The following C8orf34 variants were observed in gnomAD, a reference collection of about 807,000 sequenced individuals.
C8orf34 encodes the protein uncharacterized protein C8orf34.
In C8orf34, 65 loss-of-function variants were observed where a neutral mutation model predicts 68.3. The ratio of observed to expected loss-of-function variants is 0.95; its 90% CI spans 0.78 to 1.17. C8orf34 has a LOEUF of 1.17. C8orf34 is among the 50% of genes most tolerant of loss of function. The pLI, the probability that C8orf34 is intolerant of heterozygous loss-of-function variation, is 0.00. For missense variants in C8orf34, 664 were observed against 655.4 expected (o/e 1.01, Z -0.14); for synonymous variants, 244 against 241.2 (o/e 1.01, Z -0.11).
intron 8 of C8orf34, among the ~76,000 whole-genome samples, chr8:68,681,888 C>A (rs1443320517): frequency 6.6e-6 from 1 of 152,048 alleles, no homozygotes; most frequent in Admixed American, 6.6e-5. Context: ...CTGGAGGTCA[C>A]TATGTTAAGT....
At chr8:68,542,308 C>T (rs900005453) in intron 7 of C8orf34, among the ~76,000 whole-genome samples, 1 of 152,204 alleles carries the variant, frequency 6.6e-6, no homozygotes, top group African/African-American at 2.4e-5. Context: ...CTCTTATCTT[C>T]TCACAATACA....
At chr8:68,426,884 C>CAAACT (rs1810252295) in intron 1 of C8orf34, among the ~76,000 whole-genome samples, 1 of 151,470 alleles carries the variant, frequency 6.6e-6, no homozygotes, top group South Asian at 2.1e-4. Context: ...AAAACCAAAC[C>CAAACT]AAACCAAACC....
intron 2 of C8orf34, among the ~76,000 whole-genome samples, chr8:68,445,128 T>G (rs567707156): frequency 6.6e-6 from 1 of 152,306 alleles, no homozygotes; most frequent in East Asian, 1.9e-4. Context: ...GCTTTAGAAT[T>G]TTCATGCCTT....
At chr8:68,696,606 T>C (rs1820843066) in intron 8 of C8orf34, among the ~76,000 whole-genome samples, 1 of 151,832 alleles carries the variant, frequency 6.6e-6, no homozygotes, top group Admixed American at 6.6e-5. Context: ...GATAGCCAAA[T>C]TACGCTTTTA....
At chr8:68,747,734 G>A (rs1240941815) in intron 10 of C8orf34, among the ~76,000 whole-genome samples, 1 of 151,978 alleles carries the variant, frequency 6.6e-6, no homozygotes, top group African/African-American at 2.4e-5. Flanking sequence ...GGAAATAAAA[G>A]AGGATACAAA....
At position 68,719,965 on chromosome 8, in the gene C8orf34, A is replaced by C. The variant is rs540894092; in HGVS notation, c.1328-1396A>C. On this transcript the variant is annotated intron_variant, in intron 9 of 13. Coordinates refer to ENST00000518698, the MANE Select transcript of C8orf34 (RefSeq NM_052958.4). ...TTTTGGAGGACTTAAATTATGCTTAATTTACAACCTAATTTAACAAATTTA... is the reference window on the plus strand; with the variant it reads ...TTTTGGAGGACTTAAATTATGCTTACTTTACAACCTAATTTAACAAATTTA... Among the ~76,000 whole-genome samples, 13 of 151,990 alleles carry C rather than the reference A, an allele frequency of 8.6e-5. 1 individual carries two copies. Among genetic ancestry groups the C allele is most frequent in the Non-Finnish European group, 1.9e-4 (13 of 67,866 alleles).
At chr8:68,423,113 T>G (rs942741071) in intron 1 of C8orf34, among the ~76,000 whole-genome samples, 1 of 152,226 alleles carries the variant, frequency 6.6e-6, no homozygotes, top group African/African-American at 2.4e-5. Context: ...CCCATTGTCT[T>G]GGAGATTAAC....
At chr8:68,720,916 C>CT (rs1821652853) in intron 9 of C8orf34, among the ~76,000 whole-genome samples, 1 of 151,688 alleles carries the variant, frequency 6.6e-6, no homozygotes, top group Non-Finnish European at 1.5e-5. Context: ...CCTCTCTGAA[C>CT]TTTTTTCAGA....
chr8:68,675,070 A>T (rs780714737), intron 8 of C8orf34, among the ~76,000 whole-genome samples: 3 of 152,146 alleles, frequency 2.0e-5, no homozygotes, highest in Non-Finnish European at 4.4e-5. Context: ...TCATTCAAAC[A>T]TGAAGGAGAA....
At chr8:68,460,965 A>G (rs969596547) in intron 3 of C8orf34, among the ~76,000 whole-genome samples, 7 of 152,280 alleles carry the variant, frequency 4.6e-5, no homozygotes, top group African/African-American at 1.7e-4. Context: ...GAGTTGTGAG[A>G]AGAAGGCTTC....
At chr8:68,330,954 C>T, upstream of C8orf34, 2 of 1,267,612 alleles carry the variant, frequency 1.6e-6, no homozygotes, top group South Asian at 1.8e-5. Context: ...CGAATTTCCC[C>T]ACTGCGCCGG....
At chr8:68,693,314 A>C (rs948812505) in intron 8 of C8orf34, among the ~76,000 whole-genome samples, 10 of 152,216 alleles carry the variant, frequency 6.6e-5, no homozygotes, top group African/African-American at 2.4e-4. Context: ...GGTAGGGCCC[A>C]GTGGAAGTGA....
chr8:68,589,973 A>T (rs1352656293), intron 7 of C8orf34, among the ~76,000 whole-genome samples: 3 of 149,138 alleles, frequency 2.0e-5, no homozygotes, highest in African/African-American at 5.0e-5. Context: ...AAAAAGGAGG[A>T]CATTTAGCAG....
At chr8:68,632,556 T>TA (rs147527794) in intron 7 of C8orf34, among the ~76,000 whole-genome samples, 1,971 of 152,246 alleles carry the variant, frequency 0.013, 45 homozygotes, top group African/African-American at 0.045. Context: ...AGCCCAATGT[T>TA]AATGGCAAAG....
At position 68,431,334 on chromosome 8, in the gene C8orf34, A is replaced by G. The variant is rs78989471; in HGVS notation, c.328-8165A>G. ...ATAAAGTAATTTTTATTGAACTGAA[A>G]GACATTTTCTTTTTTATGGGAACTT... On this transcript the variant is annotated intron_variant, in intron 1 of 13. Transcript: ENST00000518698. Among the ~76,000 whole-genome samples, 1,041 of 152,272 alleles carry G rather than the reference A, an allele frequency of 6.8e-3. 35 individuals are homozygous for G. The East Asian group carries it at 0.11, about 15-fold the overall frequency.
intron 8 of C8orf34, among the ~76,000 whole-genome samples, chr8:68,680,859 C>T (rs1037944221): frequency 2.6e-5 from 4 of 152,066 alleles, no homozygotes; most frequent in Admixed American, 6.6e-5. Flanking sequence ...CCTGAGGGTA[C>T]TGCAGGAGAC....
intron 7 of C8orf34, among the ~76,000 whole-genome samples, chr8:68,637,630 C>T (rs1159519022): frequency 2.0e-5 from 3 of 152,142 alleles, no homozygotes; most frequent in Non-Finnish European, 4.4e-5. Context: ...CTATTAATCT[C>T]TTCCAGGTGA....
intron 7 of C8orf34, among the ~76,000 whole-genome samples, chr8:68,639,546 C>T (rs1215964776): frequency 6.6e-6 from 1 of 151,970 alleles, no homozygotes; most frequent in Non-Finnish European, 1.5e-5. Context: ...ATATGTTATG[C>T]CTTCAATAAT....
chr8:68,558,785 C>T (rs748725144), intron 7 of C8orf34, among the ~76,000 whole-genome samples: 4 of 152,066 alleles, frequency 2.6e-5, no homozygotes, highest in Non-Finnish European at 2.9e-5. Flanking sequence ...ATTGATTATG[C>T]TATGCCCTGT....
Sources: allele counts gnomAD v4.1 joint callset (sites outside exome capture counted in the v4.1 genomes callset), GRCh38; gene constraint gnomAD v4.1.1; transcripts MANE v1.5; gene names NCBI Gene and HGNC (gene_info 2026-07-23, HGNC 2026-07-21).